Variants in C11orf71 observed in about 807,000 individuals in gnomAD.
The protein encoded by C11orf71 is uncharacterized protein C11orf71.
For synonymous variants in C11orf71, 72 were observed against 73.4 expected, an observed-to-expected ratio of 0.98 and a Z score of 0.09; for missense variants, 179 against 167.6, an observed-to-expected ratio of 1.07 and a Z score of -0.38.
chr11:114,396,421 T>C (rs1247218104), downstream of C11orf71, among the ~76,000 whole-genome samples: 1 of 152,210 alleles, frequency 6.6e-6, no homozygotes, highest in African/African-American at 2.4e-5. Flanking sequence ...GAAAGTTCTG[T>C]AGAATATACT....
downstream of C11orf71, among the ~76,000 whole-genome samples, chr11:114,396,208 A>C (rs1195063657): frequency 6.6e-6 from 1 of 152,254 alleles, no homozygotes; most frequent in Non-Finnish European, 1.5e-5. Context: ...CTCCCCAGGA[A>C]GGCAGTAGTA....
At chr11:114,398,299 T>C (rs1425252751), downstream of C11orf71, among the ~76,000 whole-genome samples, 1 of 152,172 alleles carries the variant, frequency 6.6e-6, no homozygotes, top group Non-Finnish European at 1.5e-5. Flanking sequence ...AAAAAATTAG[T>C]TATATATTAT....
chr11:114,394,242 CTTTTCTTTTCT>C (rs1207518521), downstream of C11orf71, among the ~76,000 whole-genome samples: 30 of 58,750 alleles, frequency 5.1e-4, 2 homozygotes, highest in African/African-American at 2.5e-3. Flanking sequence ...CTTTTCTTTT[CTTTTCTTTTCT>C]TTTCTTTTCT....
At chr11:114,394,184 T>TTTTCTTTTCC (rs1946096444), downstream of C11orf71, among the ~76,000 whole-genome samples, 1 of 49,538 alleles carries the variant, frequency 2.0e-5, no homozygotes, top group African/African-American at 1.0e-4. Context: ...GTTTCGTTTC[T>TTTTCTTTTCC]TTTCTTTTCT....
Position 114,399,733 on chromosome 11 carries a change from A to AAT in C11orf71, c.*226_*227insAT. On this transcript the variant is annotated 3_prime_UTR_variant, in exon 1 of 1. Transcript: ENST00000623205. ...CTCAGCTTTGTGACGACCTAAGAAT[A>AAT]TCCCTTCCACACCTTTCCTGATCCA... 1 of 637,106 alleles carries AAT rather than the reference A, an allele frequency of 1.6e-6. No homozygotes were observed. Among genetic ancestry groups the AAT allele is most frequent in the Non-Finnish European group, 2.5e-6 (1 of 398,072 alleles). The allele number at this position is 637,106 out of a possible 1,614,324, so 39.5% of individuals were successfully genotyped here. A position where few individuals can be genotyped will look rare whatever the true frequency, so the allele number is the denominator to read the frequency against.
chr11:114,391,678 A>C (rs1310506620), intron 1 of C11orf71: 1 of 1,256,550 alleles, frequency 8.0e-7, no homozygotes, highest in Non-Finnish European at 1.1e-6. Context: ...AAAATACACA[A>C]AATGGATGAG....
At chr11:114,394,179 G>GTTTCGTTTCTTTTCTTTTCTTTTCT (rs1946095549), downstream of C11orf71, among the ~76,000 whole-genome samples, 1 of 80,286 alleles carries the variant, frequency 1.2e-5, no homozygotes, top group South Asian at 5.0e-4. Context: ...ACGGGGTTTC[G>GTTTCGTTTCTTTTCTTTTCTTTTCT]TTTCTTTTCT....
In C11orf71 at chr11:114,400,286, T is replaced by C. The variant is rs1397346948; in HGVS notation, c.46A>G (p.Arg16Gly). ...VSLSSGDQRS[R>G]VAYRSSHGDL... The stretch of plus-strand genomic sequence containing the variant: ...CCATGGGAAGAGCGGTAGGCCACCC[T>C]GCTCCTCTGATCACCGGAGGACAGG... Residue 16 changes from arginine (R) to glycine (G), a missense_variant, in exon 1 of 1, where the codon AGG (arginine) becomes GGG (glycine). Arg to Gly is a moderately radical substitution (Grantham distance 125). Coordinates refer to ENST00000623205, the MANE Select transcript of C11orf71 (RefSeq NM_001271562.2). 2.5e-6 allele frequency: 4 copies of C among 1,610,436 alleles called. No homozygotes were observed. Among genetic ancestry groups the C allele is most frequent in the Non-Finnish European group, 3.4e-6 (4 of 1,178,422 alleles).
In C11orf71 at chr11:114,399,017, G is replaced by A. The variant is rs973875536; in HGVS notation, c.*943C>T. The A allele has an allele frequency of 6.7e-6, 1 of 149,780 alleles. No homozygotes were observed. Among genetic ancestry groups the A allele is most frequent in the Non-Finnish European group, 1.5e-5 (1 of 67,688 alleles). 9.3% of individuals were successfully genotyped at this position (149,780 alleles called of 1,614,324 possible). ...CAGCAAATAAGGAGTGATCAGCCAG[G>A]TAAGAGAAGAACCAGGATAGTGCAG... On this transcript the variant is annotated 3_prime_UTR_variant, in exon 1 of 1. Transcript: ENST00000623205.
At chr11:114,392,349 C>A (rs1400383298) in intron 1 of C11orf71, among the ~76,000 whole-genome samples, 1 of 151,730 alleles carries the variant, frequency 6.6e-6, no homozygotes, top group Non-Finnish European at 1.5e-5. Flanking sequence ...ACCAGTCTGG[C>A]CAACATGGTG....
chr11:114,400,244 C>T lies in C11orf71; in HGVS notation c.88G>A (p.Ala30Thr), dbSNP rs373835784. The change falls in exon 1 of 1, where the codon GCG (alanine) becomes ACG (threonine). Residue 30 changes from alanine (A) to threonine (T), a missense_variant. Physicochemically the swap from Ala to Thr is moderately conservative, Grantham distance 58. Transcript: ENST00000623205. ...RSSHGDLRPR[A>T]SALAMVSGDG... ...CCGGAGACCATCGCCAACGCTGACGCCCGCGGTCTGAGGTCGCCATGGGAA... is the reference window on the plus strand; with the variant it reads ...CCGGAGACCATCGCCAACGCTGACGTCCGCGGTCTGAGGTCGCCATGGGAA... The T allele has an allele frequency of 5.0e-6, 8 of 1,611,458 alleles. No individual in the cohort carries two copies. Among genetic ancestry groups the T allele is most frequent in the Admixed American group, 1.7e-5 (1 of 59,590 alleles).
downstream of C11orf71, among the ~76,000 whole-genome samples, chr11:114,397,847 C>G (rs531210555): frequency 3.3e-5 from 5 of 152,192 alleles, no homozygotes; most frequent in Non-Finnish European, 7.3e-5. Context: ...CTCTTCCACT[C>G]CCAAGTGCCC....
intron 1 of C11orf71, among the ~76,000 whole-genome samples, chr11:114,392,778 G>GA (rs765327976): frequency 0.06 from 8,448 of 141,498 alleles, 284 homozygotes; most frequent in Middle Eastern, 0.11. Flanking sequence ...TCTTTTTCAG[G>GA]AAAAAAAAAA....
In C11orf71 at chr11:114,400,248, C is replaced by A; in HGVS notation, c.84G>T (p.Pro28=). 1 of 1,611,264 alleles carries A rather than the reference C, an allele frequency of 6.2e-7. No homozygotes were observed. The highest frequency in any genetic ancestry group is 1.1e-5 in the South Asian group (1 of 90,668). ...AYRSSHGDLR[P]RASALAMVSG... ...AGACCATCGCCAACGCTGACGCCCGCGGTCTGAGGTCGCCATGGGAAGAGC... is the reference window on the plus strand; with the variant it reads ...AGACCATCGCCAACGCTGACGCCCGAGGTCTGAGGTCGCCATGGGAAGAGC... The change falls in exon 1 of 1, where the codon CCG becomes CCT. Residue 28 remains proline, a synonymous_variant. Coordinates refer to ENST00000623205, the MANE Select transcript of C11orf71 (RefSeq NM_001271562.2).
chr11:114,396,299 C>A (rs1336168236), downstream of C11orf71, among the ~76,000 whole-genome samples: 2 of 152,172 alleles, frequency 1.3e-5, no homozygotes, highest in Non-Finnish European at 2.9e-5. Flanking sequence ...TTTTTCTGAA[C>A]CTTTAACATG....
At chr11:114,395,059 T>A (rs1946120554), downstream of C11orf71, among the ~76,000 whole-genome samples, 1 of 151,974 alleles carries the variant, frequency 6.6e-6, no homozygotes, top group South Asian at 2.1e-4. Flanking sequence ...ATTCATTCAT[T>A]CAACACGCAT....
At chr11:114,392,122 G>A (rs979812841) in intron 1 of C11orf71, among the ~76,000 whole-genome samples, 2 of 152,068 alleles carry the variant, frequency 1.3e-5, no homozygotes, top group Non-Finnish European at 2.9e-5. Context: ...AAATATTGTG[G>A]CCAGGCACAG....
downstream of C11orf71, among the ~76,000 whole-genome samples, chr11:114,394,247 CTTTTCT>C (rs1946105302): frequency 5.0e-5 from 3 of 60,592 alleles, no homozygotes; most frequent in African/African-American, 3.2e-4. Context: ...CTTTTCTTTT[CTTTTCT>C]TTTCTTTTCT....
downstream of C11orf71, among the ~76,000 whole-genome samples, chr11:114,395,782 C>T (rs1239184012): frequency 2.6e-5 from 4 of 152,184 alleles, no homozygotes; most frequent in Non-Finnish European, 5.9e-5. Context: ...GCATGCTTGC[C>T]TCCCTTCTCC....
Sources: gnomAD v4.1 joint callset for allele counts (sites outside exome capture counted in the v4.1 genomes callset) on GRCh38, gnomAD v4.1.1 for gene constraint, MANE v1.5 for transcripts, NCBI Gene and HGNC (gene_info 2026-07-23, HGNC 2026-07-21) for gene names.